The following TRPM3 variants were observed in gnomAD, a reference collection of about 807,000 sequenced individuals.
TRPM3 encodes long transient receptor potential channel 3.
A neutral mutation model predicts 181.2 loss-of-function variants in TRPM3; 77 were observed. The ratio of observed to expected loss-of-function variants is 0.42; its 90% CI spans 0.35 to 0.51. The LOEUF is 0.51. TRPM3 is among the 20% of genes least tolerant of loss of function. The pLI is 0.01. For synonymous variants in TRPM3, 745 were observed against 796.4 expected (o/e 0.94, Z 1.09); for missense variants, 1,759 against 2,196.7 (o/e 0.80, Z 3.98).
chr9:71,166,046 C>T (rs568796341), intron 1 of TRPM3, among the ~76,000 whole-genome samples: 13 of 152,212 alleles, frequency 8.5e-5, no homozygotes, highest in South Asian at 8.3e-4. Flanking sequence ...AGCATGTCAG[C>T]GGACACAGAA....
intron 1 of TRPM3, among the ~76,000 whole-genome samples, chr9:71,059,279 T>C (rs1454909562): frequency 6.6e-6 from 1 of 151,884 alleles, no homozygotes; most frequent in Non-Finnish European, 1.5e-5. Flanking sequence ...CTCTAGGAGA[T>C]TTCAGGCCTC....
intron 1 of TRPM3, among the ~76,000 whole-genome samples, chr9:70,883,488 G>A (rs2096031503): frequency 6.6e-6 from 1 of 152,168 alleles, no homozygotes; most frequent in Non-Finnish European, 1.5e-5. Context: ...AAACAGAAAT[G>A]CTGTGTATAA....
intron 1 of TRPM3, among the ~76,000 whole-genome samples, chr9:71,127,316 C>CACACACACACACACACACACACACACACA (rs1565253257): frequency 1.0e-4 from 15 of 149,294 alleles, no homozygotes; most frequent in East Asian, 5.8e-4. Flanking sequence ...CACACACACA[C>CACACACACACACACACACACACACACACA]CCCTGAACTG....
At chr9:71,223,565 C>G (rs976907931) in intron 1 of TRPM3, among the ~76,000 whole-genome samples, 1 of 152,216 alleles carries the variant, frequency 6.6e-6, no homozygotes, top group Admixed American at 6.5e-5. Context: ...TAGGTAATAG[C>G]TCAGTCACAG....
chr9:70,549,397 C>T (rs2045906568), intron 25 of TRPM3, 145 bp downstream of exon 25: 1 of 1,065,772 alleles, frequency 9.4e-7, no homozygotes, highest in East Asian at 2.6e-5. Flanking sequence ...GGGCAATGTT[C>T]TGTTCTCTCA....
chr9:70,992,599 C>T (rs1362930622), intron 1 of TRPM3, among the ~76,000 whole-genome samples: 1 of 152,168 alleles, frequency 6.6e-6, no homozygotes, highest in Non-Finnish European at 1.5e-5. Flanking sequence ...AATACAGTAG[C>T]TGCTAGCCAT....
chr9:70,792,181 T>C (rs1029328709), intron 6 of TRPM3, among the ~76,000 whole-genome samples: 1 of 152,114 alleles, frequency 6.6e-6, no homozygotes, highest in African/African-American at 2.4e-5. Flanking sequence ...TACATGGATG[T>C]CAGACCTGCA....
At chr9:71,260,644 T>C (rs1432134083) in intron 1 of TRPM3, among the ~76,000 whole-genome samples, 2 of 152,192 alleles carry the variant, frequency 1.3e-5, no homozygotes, top group Non-Finnish European at 2.9e-5. Context: ...TTGTAGCAAT[T>C]GTGAATGGGA....
At chr9:71,211,597 G>T (rs1338317850) in intron 1 of TRPM3, among the ~76,000 whole-genome samples, 2 of 152,156 alleles carry the variant, frequency 1.3e-5, no homozygotes, top group Non-Finnish European at 2.9e-5. Context: ...AAGGCTGTTT[G>T]AGAGAATCTG....
At chr9:71,168,533 GTGATTTATTTATTTAT>G (rs72549011) in intron 1 of TRPM3, among the ~76,000 whole-genome samples, 35,466 of 81,420 alleles carry the variant, frequency 0.44, 7,178 homozygotes, top group East Asian at 0.54. Context: ...TTTTTAAGGT[GTGATTTATTTATTTAT>G]TTATTTATTT....
intron 22 of TRPM3, among the ~76,000 whole-genome samples, chr9:70,575,111 T>TG (rs1285136042): frequency 1.7e-5 from 1 of 58,192 alleles, no homozygotes; most frequent in African/African-American, 4.0e-5. Flanking sequence ...CCCGCATAAT[T>TG]TTTTTTTTTT....
intron 1 of TRPM3, among the ~76,000 whole-genome samples, chr9:71,196,499 A>T (rs559745150): frequency 2.0e-5 from 3 of 151,930 alleles, no homozygotes; most frequent in Admixed American, 6.6e-5. Context: ...ATGGAATCTA[A>T]TACCTGCATT....
chr9:71,236,907 C>T (rs913705559), intron 1 of TRPM3, among the ~76,000 whole-genome samples: 1 of 151,794 alleles, frequency 6.6e-6, no homozygotes, highest in African/African-American at 2.4e-5. Context: ...ATTAGCCAGT[C>T]GTGATGGTGG....
chr9:70,606,651 G>GTGTGTGTGTATATATATA (rs145779027), intron 19 of TRPM3, among the ~76,000 whole-genome samples: 5 of 140,682 alleles, frequency 3.6e-5, no homozygotes, highest in African/African-American at 1.3e-4. Context: ...GTGTGTGTGT[G>GTGTGTGTGTATATATATA]TATATATATA....
rs76085057 is a variant in TRPM3, at chr9:70,691,519, C to A, written c.1273-9941G>T. Among the ~76,000 whole-genome samples, 489 of 152,252 alleles carry A rather than the reference C, an allele frequency of 3.2e-3. 21 individuals are homozygous for A. The East Asian group carries it at 0.084, about 26-fold the overall frequency. The stretch of plus-strand genomic sequence containing the variant: ...ACTCCATACTCTCCCAAGGGATCAT[C>A]GTGGATGAACAACTTGGCAATTAGT... On this transcript the variant is annotated intron_variant, in intron 8 of 25. Coordinates refer to ENST00000677713, the MANE Select transcript of TRPM3 (RefSeq NM_001366145.2).
At chr9:70,593,272 C>G (rs762268243) in intron 21 of TRPM3, among the ~76,000 whole-genome samples, 2 of 152,286 alleles carry the variant, frequency 1.3e-5, no homozygotes, top group African/African-American at 4.8e-5. Flanking sequence ...GGTCTCAGAA[C>G]TCTTTTAAAG....
intron 1 of TRPM3, among the ~76,000 whole-genome samples, chr9:70,888,374 T>A (rs1478213512): frequency 6.6e-6 from 1 of 151,110 alleles, no homozygotes; most frequent in Admixed American, 6.6e-5. Context: ...TGTGTGTGTG[T>A]GTGTGTGTGT....
intron 15 of TRPM3, among the ~76,000 whole-genome samples, chr9:70,620,951 C>A (rs1427417310): frequency 6.7e-6 from 1 of 149,546 alleles, no homozygotes; most frequent in Non-Finnish European, 1.5e-5. Context: ...GTTTGCATTG[C>A]AGATATAACC....
At chr9:70,539,944 C>T (rs565400406) in intron 25 of TRPM3, among the ~76,000 whole-genome samples, 1 of 152,302 alleles carries the variant, frequency 6.6e-6, no homozygotes, top group South Asian at 2.1e-4. Flanking sequence ...AAGTGATCCT[C>T]CTGCTTCAGA....
Sources: allele counts gnomAD v4.1 joint callset (sites outside exome capture counted in the v4.1 genomes callset), GRCh38; gene constraint gnomAD v4.1.1; transcripts MANE v1.5; gene names NCBI Gene and HGNC (gene_info 2026-07-23, HGNC 2026-07-21).